Variants in PLEKHG1 observed in about 807,000 individuals in gnomAD.
PLEKHG1 encodes the protein pleckstrin homology domain-containing family G member 1.
Under a neutral mutation model 100.8 loss-of-function variants are expected in PLEKHG1, and 44 were observed. The ratio of observed to expected loss-of-function variants is 0.44; its 90% CI spans 0.34 to 0.56. The LOEUF (loss-of-function observed/expected upper bound fraction) is 0.56. Ranked by LOEUF, PLEKHG1 falls within the 20% of genes least tolerant of loss-of-function variation. The probability of loss-of-function intolerance (pLI) is 0.01; values close to 1 mark genes in which losing one functional copy is unlikely to be tolerated. For missense variants in PLEKHG1, 1,545 were observed against 1,720.9 expected (o/e 0.90, Z 1.81); for synonymous variants, 640 against 662.5 (o/e 0.97, Z 0.52).
chr6:150,705,732 T>C (rs1780978359), intron 3 of PLEKHG1, among the ~76,000 whole-genome samples: 2 of 152,230 alleles, frequency 1.3e-5, no homozygotes, highest in Admixed American at 1.3e-4. Flanking sequence ...CTCCTCCTTA[T>C]GCTCCTGAGG....
At chr6:150,612,357 GTC>G (rs77718182) in intron 1 of PLEKHG1, among the ~76,000 whole-genome samples, 11,326 of 152,116 alleles carry the variant, frequency 0.074, 532 homozygotes, top group Non-Finnish European at 0.1. Flanking sequence ...TTGAGACAGA[GTC>G]TCTCTCTCTG....
intron 3 of PLEKHG1, among the ~76,000 whole-genome samples, chr6:150,701,691 A>C (rs1780799086): frequency 6.9e-6 from 1 of 145,548 alleles, no homozygotes; most frequent in African/African-American, 2.5e-5. Context: ...TTGAATGTTC[A>C]TACAAATCTA....
rs1037785998 is a variant in PLEKHG1, at chr6:150,683,947, T to C, written c.-99+33161T>C. ...GGGTGGTGGCAAGGGCAGTGGCAAG[T>C]AGTGGGTTTCATGGAAGGATAAAAG... On this transcript the variant is annotated intron_variant, in intron 3 of 3. Transcript: ENST00000367326. The surrounding 1 kb of genome is among the most constrained non-coding windows in gnomAD (Gnocchi z 4.0). 3.8e-6 allele frequency: 2 copies of C among 531,424 alleles called. No individual in the cohort carries two copies. The highest frequency in any genetic ancestry group is 4.0e-5 in the African/African-American group (2 of 49,870). The allele number at this position is 531,424 out of a possible 1,614,324, so 32.9% of individuals were successfully genotyped here.
intron 2 of PLEKHG1, among the ~76,000 whole-genome samples, chr6:150,750,404 T>A (rs1232942019): frequency 6.6e-6 from 1 of 152,038 alleles, no homozygotes; most frequent in Admixed American, 6.6e-5. Flanking sequence ...GGGGCCGGGG[T>A]CCGTTTTCCT....
At chr6:150,779,770 T>C (rs772307920) in intron 3 of PLEKHG1, among the ~76,000 whole-genome samples, 1 of 151,556 alleles carries the variant, frequency 6.6e-6, no homozygotes, top group Non-Finnish European at 1.5e-5. Context: ...ATCAAGACCA[T>C]CCTGGCTAAC....
At chr6:150,629,698 A>C (rs1253078614) in intron 1 of PLEKHG1, among the ~76,000 whole-genome samples, 1 of 152,148 alleles carries the variant, frequency 6.6e-6, no homozygotes, top group Non-Finnish European at 1.5e-5. Context: ...TGACCTCATG[A>C]TCCGCCTGCC....
intron 2 of PLEKHG1, among the ~76,000 whole-genome samples, chr6:150,741,009 ACC>A (rs2128622259): frequency 1.3e-5 from 2 of 152,210 alleles, no homozygotes; most frequent in South Asian, 4.2e-4. Flanking sequence ...GTCTTTCACC[ACC>A]TCAACAACAG....
chr6:150,637,683 G>A (rs895614359), intron 1 of PLEKHG1, among the ~76,000 whole-genome samples: 1 of 152,268 alleles, frequency 6.6e-6, no homozygotes, highest in East Asian at 1.9e-4. Flanking sequence ...GTGTGAGTGT[G>A]TGTGTGTCTT....
At chr6:150,698,509 C>CACACAT (rs1554261125) in intron 3 of PLEKHG1, among the ~76,000 whole-genome samples, 5 of 151,788 alleles carry the variant, frequency 3.3e-5, no homozygotes, top group African/African-American at 9.7e-5. Context: ...TACACACACA[C>CACACAT]GTACATGAAA....
intron 1 of PLEKHG1, among the ~76,000 whole-genome samples, chr6:150,628,457 CCTTT>C (rs1291723909): frequency 6.7e-6 from 1 of 148,252 alleles, no homozygotes; most frequent in African/African-American, 2.5e-5. Context: ...TCTTTAGATT[CCTTT>C]GAGATCAATT....
intron 2 of PLEKHG1, among the ~76,000 whole-genome samples, chr6:150,648,497 A>G (rs1162268209): frequency 6.6e-6 from 1 of 152,062 alleles, no homozygotes; most frequent in Non-Finnish European, 1.5e-5. Context: ...ATCTTTTGTG[A>G]CCTATTGATA....
chr6:150,812,959 G>A (rs1787616311), intron 10 of PLEKHG1, among the ~76,000 whole-genome samples: 1 of 152,168 alleles, frequency 6.6e-6, no homozygotes, highest in Non-Finnish European at 1.5e-5. Flanking sequence ...GTCATCTGCT[G>A]AGTGAGTGAA....
rs200469531 is a variant in PLEKHG1, at chr6:150,674,630, TC to T, written c.-99+23847del. ...TACACCTGTAACTTTCTCTCTCTCC[TC>T]CCTCTCTCTCTCTCTCTCTCTCTCT... On this transcript the variant is annotated intron_variant, in intron 3 of 3. Coordinates refer to the PLEKHG1 transcript ENST00000367326. Among the ~76,000 whole-genome samples the T allele has an allele frequency of 1.6e-3, 131 of 83,428 alleles. 1 individual carries two copies. The highest frequency in any genetic ancestry group is 5.1e-3 in the African/African-American group (126 of 24,888). The allele number at this position is 83,428 out of a possible 152,430, so 54.7% of individuals were successfully genotyped here. A position where few individuals can be genotyped will look rare whatever the true frequency, so the allele number is the denominator to read the frequency against.
chr6:150,750,440 G>A (rs981020128), intron 2 of PLEKHG1, among the ~76,000 whole-genome samples: 2 of 152,102 alleles, frequency 1.3e-5, no homozygotes, highest in Non-Finnish European at 2.9e-5. Context: ...TCCAGTAGAC[G>A]ATCAGTGTTG....
chr6:150,706,387 G>A (rs1375858394), intron 3 of PLEKHG1, among the ~76,000 whole-genome samples: 1 of 151,920 alleles, frequency 6.6e-6, no homozygotes, highest in Non-Finnish European at 1.5e-5. Flanking sequence ...GCCAAGGTGG[G>A]AGGATCACTT....
chr6:150,673,846 T>C (rs1779652364), intron 3 of PLEKHG1, among the ~76,000 whole-genome samples: 1 of 152,136 alleles, frequency 6.6e-6, no homozygotes, highest in Non-Finnish European at 1.5e-5. Flanking sequence ...GTATTTTTTG[T>C]AGAGATGAGC....
intron 5 of PLEKHG1, among the ~76,000 whole-genome samples, chr6:150,796,537 G>GA (rs1258208682): frequency 1.3e-5 from 2 of 152,178 alleles, no homozygotes; most frequent in Non-Finnish European, 2.9e-5. Context: ...ACAACGGTAG[G>GA]AATTTCTTTT....
intron 3 of PLEKHG1, among the ~76,000 whole-genome samples, chr6:150,681,928 A>G (rs908291650): frequency 6.6e-6 from 1 of 151,588 alleles, no homozygotes; most frequent in African/African-American, 2.4e-5. Flanking sequence ...GCTAAACCCC[A>G]CTCTGCAGTG....
intron 3 of PLEKHG1, among the ~76,000 whole-genome samples, chr6:150,669,523 C>T (rs761083097): frequency 2.6e-5 from 4 of 151,720 alleles, no homozygotes; most frequent in East Asian, 1.9e-4. Flanking sequence ...ATACCTTACT[C>T]GATGTCAAAG....
Sources: allele counts gnomAD v4.1 joint callset (sites outside exome capture counted in the v4.1 genomes callset), GRCh38; gene constraint gnomAD v4.1.1; non-coding constraint Gnocchi (gnomAD v3.1); transcripts MANE v1.5; gene names NCBI Gene and HGNC (gene_info 2026-07-23, HGNC 2026-07-21).